Variants in PAPPA2 observed in about 807,000 individuals in gnomAD.
PAPPA2 encodes the protein pappalysin-2.
A neutral mutation model predicts 176.4 loss-of-function variants in PAPPA2; 86 were observed. That is an observed-to-expected ratio of 0.49 (90% CI 0.41 to 0.58). The LOEUF (loss-of-function observed/expected upper bound fraction) is 0.58, where lower values mean the gene tolerates loss of function less well. Among genes scored for constraint, PAPPA2 ranks in the 20% least tolerant of loss-of-function variants. The pLI is 0.00. For synonymous variants in PAPPA2, 809 were observed against 852.2 expected (o/e 0.95, Z 0.88); for missense variants, 2,073 against 2,256.9 (o/e 0.92, Z 1.65).
chr1:176,728,100 A>C (rs1661968325), intron 12 of PAPPA2, among the ~76,000 whole-genome samples: 1 of 151,964 alleles, frequency 6.6e-6, no homozygotes. Flanking sequence ...AAGTAGAAAA[A>C]GATCAAATTA....
At chr1:176,717,506 T>C (rs1661430075) in intron 12 of PAPPA2, among the ~76,000 whole-genome samples, 1 of 152,234 alleles carries the variant, frequency 6.6e-6, no homozygotes. Context: ...AGGCTGCTAC[T>C]CTGAGCTCAC....
At position 176,777,131 on chromosome 1, in the gene PAPPA2, C is replaced by T. The variant is rs543842059; in HGVS notation, c.4715+5951C>T. Among the ~76,000 whole-genome samples, 3 of 152,228 alleles carry T rather than the reference C, an allele frequency of 2.0e-5. No individual in the cohort carries two copies. The South Asian group carries it at 6.2e-4, about 32-fold the overall frequency. The stretch of plus-strand genomic sequence containing the variant: ...GAGTGATTTCTAGCTCCAAACGTTT[C>T]TATTTTATTTTCTATCTCAACAGAA... On this transcript the variant is annotated intron_variant, in intron 17 of 22. Transcript: ENST00000367662.
At chr1:176,741,539 TCCATTACTTCTGGCATA>T (rs1448862990) in intron 14 of PAPPA2, among the ~76,000 whole-genome samples, 13 of 152,162 alleles carry the variant, frequency 8.5e-5, no homozygotes, top group African/African-American at 2.9e-4. Flanking sequence ...GAAGTGATAG[TCCATTACTTCTGGCATA>T]TTCTATTCAT....
Position 176,622,687 on chromosome 1 carries a change from G to C in PAPPA2, c.1991+27092G>C, listed in dbSNP as rs570644013. ...TTTGAGCACAGCTGATGTATAGAGA[G>C]TTGGTAAAACATTATGTGCTTAGTA... On this transcript the variant is annotated intron_variant, in intron 3 of 22. Coordinates refer to ENST00000367662, the MANE Select transcript of PAPPA2 (RefSeq NM_020318.3). Among the ~76,000 whole-genome samples the C allele has an allele frequency of 2.0e-5, 3 of 152,272 alleles. No individual in the cohort carries two copies. In the South Asian group the frequency reaches 6.2e-4, roughly 32 times the overall value.
At chr1:176,569,597 G>A (rs1055485630) in intron 2 of PAPPA2, among the ~76,000 whole-genome samples, 8 of 152,210 alleles carry the variant, frequency 5.3e-5, no homozygotes, top group Non-Finnish European at 1.5e-5. Flanking sequence ...TGGACTGGGT[G>A]TTTGACGTTA....
At chr1:176,654,583 G>A (rs1588048) in intron 3 of PAPPA2, among the ~76,000 whole-genome samples, 11,177 of 150,462 alleles carry the variant, frequency 0.074, 1,363 homozygotes, top group African/African-American at 0.26. Flanking sequence ...TTTTCCATAT[G>A]AATTTTAGGA....
At chr1:176,661,209 A>G (rs1658340434) in intron 3 of PAPPA2, among the ~76,000 whole-genome samples, 1 of 152,098 alleles carries the variant, frequency 6.6e-6, no homozygotes, top group Non-Finnish European at 1.5e-5. Flanking sequence ...CACAGTTGGA[A>G]TAATGTCTCT....
At chr1:176,546,149 T>A (rs1650622979) in intron 1 of PAPPA2, among the ~76,000 whole-genome samples, 2 of 152,242 alleles carry the variant, frequency 1.3e-5, no homozygotes, top group African/African-American at 4.8e-5. Context: ...ACATGAGATT[T>A]GCTCTCCTTT....
intron 3 of PAPPA2, among the ~76,000 whole-genome samples, chr1:176,600,675 C>CAAAAAAAAAAAAAAAAAAAAAAAAAA: frequency 1.2e-5 from 1 of 80,872 alleles, no homozygotes; most frequent in Admixed American, 1.4e-4. Context: ...GACTCCGTCT[C>CAAAAAAAAAAAAAAAAAAAAAAAAAA]AAAAAAAAAA....
chr1:176,739,184 G>A (rs557053993), intron 12 of PAPPA2, among the ~76,000 whole-genome samples: 1 of 152,238 alleles, frequency 6.6e-6, no homozygotes, highest in African/African-American at 2.4e-5. Context: ...AACTAGACAT[G>A]GCAGTTCAGA....
chr1:176,643,107 T>C (rs1657192137), intron 3 of PAPPA2, among the ~76,000 whole-genome samples: 1 of 151,940 alleles, frequency 6.6e-6, no homozygotes, highest in South Asian at 2.1e-4. Context: ...AGTAGGCATA[T>C]GCTAAGTGCT....
chr1:176,555,898 T>G lies in PAPPA2; in HGVS notation c.-425T>G, dbSNP rs537607664. On this transcript the variant is annotated 5_prime_UTR_variant, in exon 2 of 23. Transcript: ENST00000367662. ...GAGTGTGTGTTTGTGAGTGTGTATT[T>G]GAGAGACTTGGCTCATGCCTGTGGG... 1.2e-5 allele frequency: 2 copies of G among 170,504 alleles called. No individual in the cohort carries two copies. The highest frequency in any genetic ancestry group is 3.4e-4 in the East Asian group (2 of 5,866). The allele number at this position is 170,504 out of a possible 1,614,324, so 10.6% of individuals were successfully genotyped here.
intron 16 of PAPPA2, among the ~76,000 whole-genome samples, 154 bp from the exon 17 acceptor site, chr1:176,770,813 C>A (rs189905134): frequency 6.6e-6 from 1 of 152,282 alleles, no homozygotes; most frequent in East Asian, 1.9e-4. Context: ...GTAGGACTAA[C>A]ATTTGATGTG....
intron 2 of PAPPA2, among the ~76,000 whole-genome samples, chr1:176,577,105 A>G (rs578096573): frequency 2.0e-5 from 3 of 152,252 alleles, no homozygotes; most frequent in Admixed American, 6.5e-5. Context: ...AATGACTAAT[A>G]ATAATAACTG....
chr1:176,466,910 T>G (rs1057204008), intron 1 of PAPPA2, among the ~76,000 whole-genome samples: 2 of 152,218 alleles, frequency 1.3e-5, no homozygotes, highest in Non-Finnish European at 2.9e-5. Flanking sequence ...TCACCTGTTT[T>G]GCATAGAAAT....
chr1:176,685,789 A>AAAGAAATG (rs1659810366), intron 4 of PAPPA2, among the ~76,000 whole-genome samples: 1 of 152,230 alleles, frequency 6.6e-6, no homozygotes, highest in African/African-American at 2.4e-5. Context: ...CTTTTAATGA[A>AAAGAAATG]AAGAAATGCT....
At chr1:176,668,164 T>C (rs1172259298) in intron 3 of PAPPA2, among the ~76,000 whole-genome samples, 3 of 152,216 alleles carry the variant, frequency 2.0e-5, no homozygotes, top group Non-Finnish European at 2.9e-5. Flanking sequence ...CAGCTTGATA[T>C]GTCAGCTCCA....
At chr1:176,618,580 G>A (rs561228075) in intron 3 of PAPPA2, among the ~76,000 whole-genome samples, 12 of 152,232 alleles carry the variant, frequency 7.9e-5, no homozygotes, top group South Asian at 2.1e-4. Flanking sequence ...GTGTGCATTC[G>A]CTCATTTGTT....
In PAPPA2 at chr1:176,842,626, T is replaced by A; in HGVS notation, c.*172T>A. ...AGGATATTGATAGGTGTGAACTAGT[T>A]CATCAAGTAGCCCAAGTAGGAGAGA... On this transcript the variant is annotated 3_prime_UTR_variant, in exon 23 of 23. Transcript: ENST00000367662. 1 of 628,316 alleles carries A rather than the reference T, an allele frequency of 1.6e-6. No individual in the cohort carries two copies. The highest frequency in any genetic ancestry group is 2.7e-6 in the Non-Finnish European group (1 of 368,190). 38.9% of individuals were successfully genotyped at this position (628,316 alleles called of 1,614,324 possible). A position where few individuals can be genotyped will look rare whatever the true frequency, so the allele number is the denominator to read the frequency against.
Sources: allele counts gnomAD v4.1 joint callset (sites outside exome capture counted in the v4.1 genomes callset), GRCh38; gene constraint gnomAD v4.1.1; transcripts MANE v1.5; gene names NCBI Gene and HGNC (gene_info 2026-07-23, HGNC 2026-07-21).